The following SKI variants were observed in gnomAD, a reference collection of about 807,000 sequenced individuals.
SKI encodes SKI proto-oncogene, also known as ski oncogene.
SKI carries 23 observed loss-of-function variants against 59.3 expected under a neutral mutation model. The observed-to-expected ratio is 0.39, with a 90% confidence interval of 0.28 to 0.55. The LOEUF (loss-of-function observed/expected upper bound fraction) is 0.55. Among genes scored for constraint, SKI ranks in the 20% least tolerant of loss-of-function variants. The pLI is 0.67. For synonymous variants in SKI, 673 were observed against 488.6 expected, an observed-to-expected ratio of 1.38 and a Z score of -4.98; for missense variants, 1,017 against 1,038.9, an observed-to-expected ratio of 0.98 and a Z score of 0.29.
rs1193069000 is a variant in SKI at position 2,282,398 on chromosome 1, C to T, written c.970-20580C>T. Among the ~76,000 whole-genome samples, 74 of 46,090 alleles carry T rather than the reference C, an allele frequency of 1.6e-3. 4 individuals carry two copies. Among genetic ancestry groups the T allele is most frequent in the African/African-American group, 5.2e-3 (55 of 10,652 alleles). The allele number at this position is 46,090 out of a possible 152,430, so 30.2% of individuals were successfully genotyped here. On this transcript the variant is annotated intron_variant, in intron 1 of 6. Coordinates refer to ENST00000378536, the MANE Select transcript of SKI (RefSeq NM_003036.4). The stretch of plus-strand genomic sequence containing the variant: ...GGACGCCCGAGAAGACAGGCGGTGG[C>T]GGAGATCTTCAGAGAGAGGATGCCC...
chr1:2,287,925 T>C (rs1162882390), intron 1 of SKI, among the ~76,000 whole-genome samples: 1 of 152,130 alleles, frequency 6.6e-6, no homozygotes, highest in Non-Finnish European at 1.5e-5. Context: ...CTCCTGGCCC[T>C]GGCCTGGCAC....
At chr1:2,241,111 C>T (rs1050324761) in intron 1 of SKI, among the ~76,000 whole-genome samples, 8 of 152,228 alleles carry the variant, frequency 5.3e-5, no homozygotes, top group African/African-American at 1.9e-4. Flanking sequence ...AGGTGGGGCC[C>T]TGCGGGCTCC....
chr1:2,231,030 C>T (rs1638625880), intron 1 of SKI, among the ~76,000 whole-genome samples: 1 of 152,172 alleles, frequency 6.6e-6, no homozygotes, highest in Admixed American at 6.5e-5. Context: ...GCTCAGGTGG[C>T]AGCCGCCTGC....
intron 1 of SKI, among the ~76,000 whole-genome samples, chr1:2,292,020 T>TA (rs1422809660): frequency 1.3e-5 from 2 of 152,234 alleles, no homozygotes; most frequent in Admixed American, 6.5e-5. Flanking sequence ...TAATGGCACT[T>TA]ACAAAAATAG....
chr1:2,287,969 T>C (rs1041557382), intron 1 of SKI, among the ~76,000 whole-genome samples: 3 of 151,892 alleles, frequency 2.0e-5, no homozygotes, highest in Non-Finnish European at 4.4e-5. Flanking sequence ...TTCTCGTCTG[T>C]CTTTTTTCTT....
rs114385178 is a variant in SKI at position 2,295,062 on chromosome 1, G to A, written c.970-7916G>A. On this transcript the variant is annotated intron_variant, in intron 1 of 6. Transcript: ENST00000378536. ...TTTCTGTTCTTGATGGGCTTTAGAA[G>A]GTGAAAAACTAGGCTTCCAGAGGTG... Among the ~76,000 whole-genome samples the A allele has an allele frequency of 2.8e-3, 434 of 152,372 alleles. 2 individuals carry two copies. The highest frequency in any genetic ancestry group is 9.7e-3 in the African/African-American group (404 of 41,590).
At chr1:2,236,540 G>A (rs1182926992) in intron 1 of SKI, among the ~76,000 whole-genome samples, 1 of 152,120 alleles carries the variant, frequency 6.6e-6, no homozygotes, top group African/African-American at 2.4e-5. Context: ...CTGAGCAGCT[G>A]GGACTACAGG....
intron 1 of SKI, among the ~76,000 whole-genome samples, chr1:2,241,094 G>A (rs1638860411): frequency 1.3e-5 from 2 of 152,252 alleles, no homozygotes; most frequent in South Asian, 2.1e-4. Flanking sequence ...GATGCTGTGG[G>A]CCCAGAAGGT....
chr1:2,308,220 C>T lies in SKI; in HGVS notation c.*1455C>T, dbSNP rs770168504. On this transcript the variant is annotated 3_prime_UTR_variant, in exon 7 of 7. Coordinates refer to ENST00000378536, the MANE Select transcript of SKI (RefSeq NM_003036.4). ...TTCTAACACCCGCGGCAGCTGCACGCGCTCACAGAAGGTGGAGGTTACTTG... is the reference window on the plus strand; with the variant it reads ...TTCTAACACCCGCGGCAGCTGCACGTGCTCACAGAAGGTGGAGGTTACTTG... 4 of 152,206 alleles carry T rather than the reference C, an allele frequency of 2.6e-5. No homozygotes were observed. The highest frequency in any genetic ancestry group is 4.8e-5 in the African/African-American group (2 of 41,448). 9.4% of individuals were successfully genotyped at this position (152,206 alleles called of 1,614,324 possible).
intron 1 of SKI, among the ~76,000 whole-genome samples, chr1:2,279,306 A>G (rs919819379): frequency 2.0e-5 from 3 of 151,710 alleles, no homozygotes; most frequent in Non-Finnish European, 4.4e-5. Flanking sequence ...GGCCGTGCCC[A>G]GCAGAGACCA....
chr1:2,300,697 C>T (rs1393328234), intron 1 of SKI, among the ~76,000 whole-genome samples: 2 of 152,238 alleles, frequency 1.3e-5, no homozygotes, highest in East Asian at 3.8e-4. Context: ...AGAGCCCGCC[C>T]TGAGAGCCGG....
At chr1:2,232,950 C>G (rs1286708130) in intron 1 of SKI, among the ~76,000 whole-genome samples, 1 of 152,138 alleles carries the variant, frequency 6.6e-6, no homozygotes, top group Non-Finnish European at 1.5e-5. Flanking sequence ...CCGGTCGGCT[C>G]GCCTCCTTCC....
chr1:2,235,648 G>A (rs562058080), intron 1 of SKI, among the ~76,000 whole-genome samples: 3 of 152,294 alleles, frequency 2.0e-5, no homozygotes, highest in South Asian at 2.1e-4. Context: ...GGGTGGCCTC[G>A]ATGGGGGGCC....
At chr1:2,290,248 C>T (rs1003001500) in intron 1 of SKI, among the ~76,000 whole-genome samples, 1 of 152,154 alleles carries the variant, frequency 6.6e-6, no homozygotes, top group Admixed American at 6.5e-5. Flanking sequence ...GGCTACTTCT[C>T]AGCCTCTTGA....
intron 1 of SKI, among the ~76,000 whole-genome samples, chr1:2,302,400 G>C (rs550742637): frequency 2.2e-4 from 33 of 152,328 alleles, no homozygotes; most frequent in Middle Eastern, 3.4e-3. Flanking sequence ...GGGGCAGCCA[G>C]AATGCCCACT....
chr1:2,305,882 G>A, intron 5 of SKI, 138 bp from the exon 6 acceptor site: 1 of 748,312 alleles, frequency 1.3e-6, no homozygotes, highest in South Asian at 1.5e-5. Context: ...GGGTTGGGCT[G>A]ATGGCGCGCT....
chr1:2,285,870 GTTTTTTTTTTT>G (rs77227502), intron 1 of SKI, among the ~76,000 whole-genome samples: 45 of 102,714 alleles, frequency 4.4e-4, no homozygotes, highest in African/African-American at 1.7e-3. Context: ...CAGCCAGAAG[GTTTTTTTTTTT>G]TTTTTTTTTT....
At chr1:2,295,965 G>A (rs1224029519) in intron 1 of SKI, among the ~76,000 whole-genome samples, 2 of 152,168 alleles carry the variant, frequency 1.3e-5, no homozygotes, top group Non-Finnish European at 2.9e-5. Context: ...GCTGGGCGAT[G>A]TAACTGTGTT....
intron 1 of SKI, among the ~76,000 whole-genome samples, chr1:2,264,075 G>T (rs1264850081): frequency 6.6e-6 from 1 of 151,654 alleles, no homozygotes; most frequent in East Asian, 1.9e-4. Flanking sequence ...AGTGTTTTTT[G>T]TGGGAAGATT....
Sources: gnomAD v4.1 joint callset for allele counts (sites outside exome capture counted in the v4.1 genomes callset) on GRCh38, gnomAD v4.1.1 for gene constraint, MANE v1.5 for transcripts, NCBI Gene and HGNC (gene_info 2026-07-23, HGNC 2026-07-21) for gene names.